Variants in WASL observed in about 807,000 individuals in gnomAD.
The protein encoded by WASL is WASP like actin nucleation promoting factor, also known as actin nucleation-promoting factor WASL.
Under a neutral mutation model 55.5 loss-of-function variants are expected in WASL, and 20 were observed. The observed-to-expected ratio is 0.36, with a 90% CI of 0.25 to 0.52. The LOEUF (loss-of-function observed/expected upper bound fraction) is 0.52, where lower values mean the gene tolerates loss of function less well. Ranked by LOEUF, WASL falls within the 20% of genes least tolerant of loss-of-function variation. The pLI is 0.92. For missense variants in WASL, 504 were observed against 622.5 expected, an observed-to-expected ratio of 0.81 and a Z score of 2.03; for synonymous variants, 249 against 217.6, an observed-to-expected ratio of 1.14 and a Z score of -1.27.
At chr7:123,739,104 T>C (rs187831764) in intron 1 of WASL, among the ~76,000 whole-genome samples, 10 of 152,350 alleles carry the variant, frequency 6.6e-5, no homozygotes, top group African/African-American at 2.4e-4. Flanking sequence ...TTATTTCTAT[T>C]ATGAATAATA....
intron 7 of WASL, 152 bp downstream of exon 7, chr7:123,695,671 T>C (rs1803478557): frequency 3.1e-6 from 2 of 643,874 alleles, no homozygotes; most frequent in Non-Finnish European, 5.2e-6. Flanking sequence ...AGAACAATAA[T>C]ATGGTTTTAA....
At chr7:123,706,619 A>G in intron 3 of WASL, 121 bp downstream of exon 3, 1 of 863,648 alleles carries the variant, frequency 1.2e-6, no homozygotes, top group Non-Finnish European at 1.8e-6. Flanking sequence ...TTTCATCTTC[A>G]GCAAAAAAAT....
intron 1 of WASL, among the ~76,000 whole-genome samples, chr7:123,725,553 T>A (rs1405933312): frequency 1.3e-5 from 2 of 152,060 alleles, no homozygotes; most frequent in Admixed American, 1.3e-4. Flanking sequence ...CTCATTAGAA[T>A]CCCAAATAAA....
intron 1 of WASL, among the ~76,000 whole-genome samples, chr7:123,721,968 T>C (rs1803955657): frequency 6.6e-6 from 1 of 152,070 alleles, no homozygotes; most frequent in Admixed American, 6.6e-5. Flanking sequence ...ACTGTTACTG[T>C]CCTCTCTAGG....
At chr7:123,720,355 A>C (rs2116803390) in intron 1 of WASL, 1 of 445,820 alleles carries the variant, frequency 2.2e-6, no homozygotes, top group Admixed American at 2.5e-5. Flanking sequence ...AAAAAAAAAA[A>C]AAAAAAGTTG....
intron 1 of WASL, among the ~76,000 whole-genome samples, chr7:123,724,644 G>A (rs568135902): frequency 1.7e-4 from 26 of 152,144 alleles, no homozygotes; most frequent in Non-Finnish European, 3.1e-4. Flanking sequence ...TTCATTTGCC[G>A]GATTGAACTG....
chr7:123,702,449 T>C (rs899484114), intron 5 of WASL, among the ~76,000 whole-genome samples: 1 of 152,158 alleles, frequency 6.6e-6, no homozygotes, highest in Non-Finnish European at 1.5e-5. Flanking sequence ...ATTCTATCTA[T>C]TCATGGAAAC....
intron 1 of WASL, among the ~76,000 whole-genome samples, chr7:123,719,142 G>T (rs142816662): frequency 1.1e-3 from 160 of 152,230 alleles, no homozygotes; most frequent in African/African-American, 3.7e-3. Context: ...CCCTTTATTA[G>T]TCTGGTCACC....
At chr7:123,720,344 CA>C (rs11377481) in intron 1 of WASL, 79,706 of 331,658 alleles carry the variant, frequency 0.24, 1,125 homozygotes, top group Middle Eastern at 0.39. Context: ...CATACAGCTG[CA>C]AAAAAAAAAA....
At chr7:123,732,664 G>A (rs1387407065) in intron 1 of WASL, among the ~76,000 whole-genome samples, 3 of 152,098 alleles carry the variant, frequency 2.0e-5, no homozygotes, top group South Asian at 2.1e-4. Context: ...AATAGAAGCA[G>A]AAGGACTACT....
chr7:123,726,015 A>AT (rs1404765003), intron 1 of WASL, among the ~76,000 whole-genome samples: 1 of 152,222 alleles, frequency 6.6e-6, no homozygotes, highest in Non-Finnish European at 1.5e-5. Flanking sequence ...TCTAAAGCAT[A>AT]TTTTTTAAAG....
intron 1 of WASL, among the ~76,000 whole-genome samples, chr7:123,726,046 ACT>A (rs1175419817): frequency 6.6e-6 from 1 of 152,148 alleles, no homozygotes; most frequent in East Asian, 1.9e-4. Context: ...GCCAGTATTA[ACT>A]CTGTTAATGT....
intron 1 of WASL, among the ~76,000 whole-genome samples, chr7:123,728,074 T>C (rs1804080859): frequency 6.6e-6 from 1 of 152,196 alleles, no homozygotes; most frequent in Non-Finnish European, 1.5e-5. Context: ...ATCTCAGGCA[T>C]CCACTTTCAT....
chr7:123,717,721 CT>C (rs963432500), intron 1 of WASL, among the ~76,000 whole-genome samples: 4 of 151,746 alleles, frequency 2.6e-5, no homozygotes, highest in South Asian at 4.2e-4. Flanking sequence ...GGTTTCAAAA[CT>C]TTTTTTTTCA....
chr7:123,709,362 A>C, intron 1 of WASL, 139 bp from the exon 2 acceptor site: 6 of 583,876 alleles, frequency 1.0e-5, no homozygotes, highest in Non-Finnish European at 1.6e-5. Flanking sequence ...AATAATAAAC[A>C]TGTATTGTTA....
chr7:123,725,198 A>G (rs1804020903), intron 1 of WASL, among the ~76,000 whole-genome samples: 6 of 152,230 alleles, frequency 3.9e-5, no homozygotes, highest in Admixed American at 3.9e-4. Flanking sequence ...GTGGTTTTCA[A>G]GACGGTCTTA....
rs141909609 is a variant in WASL, at chr7:123,683,771, T to C, written c.*748A>G. 1 of 151,972 alleles carries C rather than the reference T, an allele frequency of 6.6e-6. No individual in the cohort carries two copies. Among genetic ancestry groups the C allele is most frequent in the African/African-American group, 2.4e-5 (1 of 41,412 alleles). The allele number at this position is 151,972 out of a possible 1,614,324, so 9.4% of individuals were successfully genotyped here. On this transcript the variant is annotated 3_prime_UTR_variant, in exon 11 of 11. Coordinates refer to ENST00000223023, the MANE Select transcript of WASL (RefSeq NM_003941.4). ...TTGTTTCAGAGTAATACCAAAAAAA[T>C]TTTCAAAAATTTTGCTAAAAAGAGC...
chr7:123,687,333 T>C (rs1434139223), intron 10 of WASL, among the ~76,000 whole-genome samples: 2 of 152,162 alleles, frequency 1.3e-5, no homozygotes, highest in African/African-American at 2.4e-5. Context: ...TAGTGCACTT[T>C]CAGGGGTCTC....
At chr7:123,715,899 A>T (rs899745864) in intron 1 of WASL, among the ~76,000 whole-genome samples, 2 of 152,226 alleles carry the variant, frequency 1.3e-5, no homozygotes, top group Non-Finnish European at 2.9e-5. Context: ...CTACTACCAG[A>T]AGGATAATCA....
Sources: gnomAD v4.1 joint callset for allele counts (sites outside exome capture counted in the v4.1 genomes callset) on GRCh38, gnomAD v4.1.1 for gene constraint, MANE v1.5 for transcripts, NCBI Gene and HGNC (gene_info 2026-07-23, HGNC 2026-07-21) for gene names.